GABRB1: variants seen among roughly 807,000 people sequenced by gnomAD.
GABRB1 encodes the protein gamma-aminobutyric acid receptor subunit beta-1.
Under a neutral mutation model 51.6 loss-of-function variants are expected in GABRB1, and 17 were observed. The observed-to-expected ratio is 0.33, with a 90% confidence interval of 0.23 to 0.49. The LOEUF is 0.49. Ranked by LOEUF, GABRB1 falls within the 20% of genes least tolerant of loss-of-function variation. The probability of loss-of-function intolerance (pLI) is 0.99; values close to 1 mark genes in which losing one functional copy is unlikely to be tolerated. For synonymous variants in GABRB1, 247 were observed against 218.9 expected, an observed-to-expected ratio of 1.13 and a Z score of -1.14; for missense variants, 410 against 600.6, an observed-to-expected ratio of 0.68 and a Z score of 3.32.
intron 3 of GABRB1, among the ~76,000 whole-genome samples, chr4:47,071,397 A>C (rs6447530): frequency 0.8 from 121,477 of 151,980 alleles, 48,908 homozygotes; most frequent in South Asian, 0.85. Context: ...AATTACAAGC[A>C]TTAGTTTGGC....
At chr4:47,000,214 G>A (rs1724136719) in intron 1 of GABRB1, among the ~76,000 whole-genome samples, 1 of 151,982 alleles carries the variant, frequency 6.6e-6, no homozygotes, top group South Asian at 2.1e-4. Context: ...GCATGTTGTA[G>A]GTATGTATGT....
chr4:47,165,596 T>G (rs1322782457), intron 4 of GABRB1, among the ~76,000 whole-genome samples: 2 of 152,162 alleles, frequency 1.3e-5, no homozygotes, highest in African/African-American at 4.8e-5. Flanking sequence ...TAAATTATTC[T>G]TGTTCTTCTG....
chr4:47,220,107 A>C (rs1303423445), intron 4 of GABRB1, among the ~76,000 whole-genome samples: 2 of 152,052 alleles, frequency 1.3e-5, no homozygotes, highest in East Asian at 3.9e-4. Context: ...AAGAGTCCCT[A>C]TTCTAAAGAA....
chr4:47,193,432 T>C (rs1223888476), intron 4 of GABRB1, among the ~76,000 whole-genome samples: 1 of 152,214 alleles, frequency 6.6e-6, no homozygotes, highest in South Asian at 2.1e-4. Flanking sequence ...TATGTGGTAT[T>C]ATCCCATTTT....
At chr4:47,085,910 A>AGGCCTC (rs2109576502) in intron 3 of GABRB1, among the ~76,000 whole-genome samples, 1 of 152,316 alleles carries the variant, frequency 6.6e-6, no homozygotes, top group African/African-American at 2.4e-5. Context: ...CAGGCCTCTG[A>AGGCCTC]AGGCCTAGGT....
chr4:47,390,895 T>C (rs527992141), intron 5 of GABRB1, among the ~76,000 whole-genome samples: 41 of 152,164 alleles, frequency 2.7e-4, no homozygotes, highest in South Asian at 4.2e-4. Context: ...AGGAGTAAGC[T>C]GGCCGGGCAC....
At chr4:47,197,303 G>A (rs762468411) in intron 4 of GABRB1, among the ~76,000 whole-genome samples, 7 of 152,132 alleles carry the variant, frequency 4.6e-5, no homozygotes, top group Admixed American at 6.6e-5. Flanking sequence ...ATTTGTTCAT[G>A]GGATTTTATT....
intron 5 of GABRB1, among the ~76,000 whole-genome samples, chr4:47,326,318 T>G (rs2109969415): frequency 6.6e-6 from 1 of 152,256 alleles, no homozygotes; most frequent in South Asian, 2.1e-4. Context: ...ATTCACCTCA[T>G]TTTATCTCAT....
chr4:47,329,190 A>G (rs1054146217), intron 5 of GABRB1, among the ~76,000 whole-genome samples: 6 of 152,148 alleles, frequency 3.9e-5, no homozygotes, highest in African/African-American at 1.4e-4. Flanking sequence ...TCATTCAGAA[A>G]GAGGAGACCA....
Position 47,162,254 on chromosome 4 carries a change from A to G in GABRB1, c.461+785A>G, listed in dbSNP as rs575624186. Among the ~76,000 whole-genome samples, 14 of 152,206 alleles carry G rather than the reference A, an allele frequency of 9.2e-5. No individual in the cohort carries two copies. In the South Asian group the frequency reaches 1.0e-3, roughly 11 times the overall value. On this transcript the variant is annotated intron_variant, in intron 4 of 8. Transcript: ENST00000295454. Reference sequence around the variant, plus strand: ...AATCATTAGTTATGGTTCATATACTATAAATCAATTGTAATTTTTCTGTTA... The same window carrying G: ...AATCATTAGTTATGGTTCATATACTGTAAATCAATTGTAATTTTTCTGTTA...
At chr4:47,093,796 T>C (rs2109591902) in intron 3 of GABRB1, among the ~76,000 whole-genome samples, 2 of 152,326 alleles carry the variant, frequency 1.3e-5, no homozygotes, top group East Asian at 3.9e-4. Context: ...TATGGCAAAA[T>C]CTCTCTTAAG....
Position 47,368,937 on chromosome 4 carries a change from G to A in GABRB1, c.545-34381G>A, listed in dbSNP as rs1029609839. On this transcript the variant is annotated intron_variant, in intron 5 of 8. Coordinates refer to ENST00000295454, the MANE Select transcript of GABRB1 (RefSeq NM_000812.4). ...AGACTGGCCAACATGGTGAAACACC[G>A]TCTCTACTAAACATACAAAAATTAG... is the stretch of plus-strand genomic sequence containing the variant. 5.9e-5 allele frequency among the ~76,000 whole-genome samples: 9 copies of A among 152,028 alleles called. 1 individual carries two copies. The highest frequency in any genetic ancestry group is 3.3e-4 in the Admixed American group (5 of 15,262).
intron 4 of GABRB1, among the ~76,000 whole-genome samples, chr4:47,177,825 T>G (rs1394087617): frequency 6.6e-6 from 1 of 151,780 alleles, no homozygotes; most frequent in Non-Finnish European, 1.5e-5. Flanking sequence ...GGTTTTTTTT[T>G]TTTTTTTTTC....
At chr4:47,258,274 G>C (rs1040106248) in intron 4 of GABRB1, among the ~76,000 whole-genome samples, 5 of 152,094 alleles carry the variant, frequency 3.3e-5, no homozygotes, top group African/African-American at 9.7e-5. Flanking sequence ...TTTTTAATCA[G>C]AGTTCAGAAA....
At chr4:47,295,468 C>T (rs1222401121) in intron 4 of GABRB1, among the ~76,000 whole-genome samples, 3 of 152,210 alleles carry the variant, frequency 2.0e-5, no homozygotes, top group Non-Finnish European at 2.9e-5. Context: ...AATGCAGAAG[C>T]CTCAGGAGCC....
intron 5 of GABRB1, among the ~76,000 whole-genome samples, chr4:47,365,895 A>T (rs1726964734): frequency 6.6e-6 from 1 of 152,126 alleles, no homozygotes; most frequent in Non-Finnish European, 1.5e-5. Flanking sequence ...TGCCTGCCTC[A>T]GGATGCTTTG....
rs114852726 is a variant in GABRB1 at position 47,392,390 on chromosome 4, T to C, written c.545-10928T>C. Among the ~76,000 whole-genome samples the C allele has an allele frequency of 4.7e-3, 679 of 144,582 alleles. 2 individuals are homozygous for C. Among genetic ancestry groups the C allele is most frequent in the African/African-American group, 0.017 (643 of 38,716 alleles). 94.9% of individuals were successfully genotyped at this position (144,582 alleles called of 152,430 possible). A position where few individuals can be genotyped will look rare whatever the true frequency, so the allele number is the denominator to read the frequency against. On this transcript the variant is annotated intron_variant, in intron 5 of 8. Coordinates refer to ENST00000295454, the MANE Select transcript of GABRB1 (RefSeq NM_000812.4). ...AGTCTCGCTCAGTCACCAGGCTGAA[T>C]GAAGTGCAATGACACAATCTCGGCT...
intron 4 of GABRB1, among the ~76,000 whole-genome samples, chr4:47,254,361 G>GGTTTTTTTTTTTT (rs1305298443): frequency 2.5e-5 from 2 of 80,966 alleles, no homozygotes; most frequent in Non-Finnish European, 4.5e-5. Flanking sequence ...TCTTTTCTTT[G>GGTTTTTTTTTTTT]TTTTTTTTTT....
At chr4:47,378,765 C>T (rs913184832) in intron 5 of GABRB1, among the ~76,000 whole-genome samples, 1 of 152,022 alleles carries the variant, frequency 6.6e-6, no homozygotes, top group Non-Finnish European at 1.5e-5. Context: ...GGATTACAGG[C>T]GTGAGCCACT....
Sources: allele counts gnomAD v4.1 joint callset (sites outside exome capture counted in the v4.1 genomes callset), GRCh38; gene constraint gnomAD v4.1.1; transcripts MANE v1.5; gene names NCBI Gene and HGNC (gene_info 2026-07-23, HGNC 2026-07-21).